The following IFNGR2 variants were observed in gnomAD, a reference collection of about 807,000 sequenced individuals.
IFNGR2 encodes the protein interferon gamma receptor 2, also known as IFN-gamma receptor 2.
IFNGR2 carries 15 observed loss-of-function variants against 41.1 expected under a neutral mutation model. That is an observed-to-expected ratio of 0.37 (90% CI 0.24 to 0.56). The LOEUF is 0.56. IFNGR2 is among the 20% of genes least tolerant of loss of function. IFNGR2 has a pLI of 0.81. For missense variants in IFNGR2, 362 were observed against 415.7 expected, an observed-to-expected ratio of 0.87 and a Z score of 1.12; for synonymous variants, 161 against 171.6, an observed-to-expected ratio of 0.94 and a Z score of 0.48.
chr21:33,407,714 G>C (rs570747593), intron 1 of IFNGR2, among the ~76,000 whole-genome samples: 1 of 152,296 alleles, frequency 6.6e-6, no homozygotes, highest in South Asian at 2.1e-4. Flanking sequence ...TCCTGTCTCA[G>C]CCTCCCAAGT....
intron 4 of IFNGR2, among the ~76,000 whole-genome samples, chr21:33,429,932 G>A (rs2083871647): frequency 6.6e-6 from 1 of 152,164 alleles, no homozygotes; most frequent in African/African-American, 2.4e-5. Context: ...TGAGGTCAGG[G>A]GTTCGAGACA....
At chr21:33,420,100 T>C (rs963280915) in intron 2 of IFNGR2, among the ~76,000 whole-genome samples, 1 of 152,188 alleles carries the variant, frequency 6.6e-6, no homozygotes, top group African/African-American at 2.4e-5. Flanking sequence ...GGTGTCTTCA[T>C]GGAAGCCCTG....
intron 1 of IFNGR2, chr21:33,411,693 C>T: frequency 7.0e-6 from 2 of 286,870 alleles, no homozygotes; most frequent in South Asian, 6.0e-5. Context: ...ACCAGGGAGA[C>T]AAGAAGGATG....
At chr21:33,417,564 A>C (rs1053780582) in intron 2 of IFNGR2, among the ~76,000 whole-genome samples, 2 of 152,230 alleles carry the variant, frequency 1.3e-5, no homozygotes, top group African/African-American at 4.8e-5. Context: ...CAGGCTACAC[A>C]ATTTGCAAGA....
intron 1 of IFNGR2, among the ~76,000 whole-genome samples, chr21:33,409,618 C>T (rs2083702492): frequency 6.6e-6 from 1 of 152,198 alleles, no homozygotes; most frequent in Non-Finnish European, 1.5e-5. Flanking sequence ...AGTCTGAACT[C>T]TACCCTCCAT....
intron 1 of IFNGR2, among the ~76,000 whole-genome samples, chr21:33,406,029 C>CA (rs796469538): frequency 4.7e-4 from 71 of 150,696 alleles, no homozygotes; most frequent in African/African-American, 1.6e-3. Context: ...GACTCTATCT[C>CA]AAAAAAACAA....
chr21:33,435,982 A>G (rs2409493), intron 6 of IFNGR2, among the ~76,000 whole-genome samples: 88,059 of 151,092 alleles, frequency 0.58, 27,635 homozygotes, highest in East Asian at 0.83. Context: ...AATTGCTTGA[A>G]CCCAGGAGGC....
chr21:33,421,357 G>A (rs121913197), intron 2 of IFNGR2, 123 bp from the exon 3 acceptor site: 2 of 716,040 alleles, frequency 2.8e-6, no homozygotes, highest in Non-Finnish European at 2.4e-6. Context: ...AAAAGCGGGG[G>A]GGAACTGTAT....
In IFNGR2 at chr21:33,432,699, G is replaced by C. The variant is rs765881972; in HGVS notation, c.722-15G>C. 1.1e-5 allele frequency: 18 copies of C among 1,613,574 alleles called. No homozygotes were observed. Among genetic ancestry groups the C allele is most frequent in the Non-Finnish European group, 6.8e-6 (8 of 1,179,712 alleles). ...TAGGAAGATCATTCTGTTCACTTTC[G>C]TGTCCTCTTTTTAGCCTCCACTGAG... On this transcript the variant is annotated splice_polypyrimidine_tract_variant and intron_variant, in intron 5 of 6. Transcript: ENST00000290219.
Position 33,437,125 on chromosome 21 carries a change from G to A in IFNGR2, c.*163G>A, listed in dbSNP as rs1264537174. 5 of 575,454 alleles carry A rather than the reference G, an allele frequency of 8.7e-6. No homozygotes were observed. The highest frequency in any genetic ancestry group is 3.8e-5 in the African/African-American group (2 of 51,982). 35.6% of individuals were successfully genotyped at this position (575,454 alleles called of 1,614,324 possible). A position where few individuals can be genotyped will look rare whatever the true frequency, so the allele number is the denominator to read the frequency against. ...ACAGCAGGTCTCATGGGGGTGACAA[G>A]CTTTTTTTTTTTTTCTTAAAGAATT... On this transcript the variant is annotated 3_prime_UTR_variant, in exon 7 of 7. Coordinates refer to ENST00000290219, the MANE Select transcript of IFNGR2 (RefSeq NM_005534.4).
intron 1 of IFNGR2, among the ~76,000 whole-genome samples, chr21:33,412,374 G>A (rs1229263386): frequency 6.6e-6 from 1 of 152,128 alleles, no homozygotes; most frequent in Non-Finnish European, 1.5e-5. Flanking sequence ...GCTTACATAG[G>A]TTTGGGTTAT....
intron 2 of IFNGR2, among the ~76,000 whole-genome samples, chr21:33,416,543 C>T (rs944678342): frequency 2.0e-5 from 3 of 152,094 alleles, no homozygotes; most frequent in African/African-American, 7.2e-5. Context: ...GAAAAGTAGG[C>T]CAGGCATGGT....
chr21:33,417,080 C>T (rs957345871), intron 2 of IFNGR2, among the ~76,000 whole-genome samples: 4 of 151,298 alleles, frequency 2.6e-5, no homozygotes, highest in African/African-American at 9.7e-5. Flanking sequence ...CCACCCCACC[C>T]GGTTCAGATA....
chr21:33,432,615 G>A, intron 5 of IFNGR2, 99 bp from the exon 6 acceptor site: 2 of 1,351,368 alleles, frequency 1.5e-6, no homozygotes, highest in South Asian at 1.2e-5. Flanking sequence ...CATTTTACTA[G>A]GACAGGAATG....
intron 2 of IFNGR2, among the ~76,000 whole-genome samples, chr21:33,418,125 C>T (rs950772922): frequency 6.6e-6 from 1 of 152,062 alleles, no homozygotes. Context: ...TTGCAACCTG[C>T]GGCTCACTGC....
chr21:33,415,056 C>T, intron 2 of IFNGR2, 36 bp downstream of exon 2: 1 of 1,613,010 alleles, frequency 6.2e-7, no homozygotes, highest in Non-Finnish European at 8.5e-7. Flanking sequence ...TTGCTGGGAG[C>T]TGTGGGGGCA....
chr21:33,415,119 T>A, intron 2 of IFNGR2, 99 bp downstream of exon 2: 1 of 1,398,158 alleles, frequency 7.2e-7, no homozygotes, highest in South Asian at 1.2e-5. Context: ...GCAGGGTTTG[T>A]TATCAAACCC....
chr21:33,409,564 T>C (rs1441037992), intron 1 of IFNGR2, among the ~76,000 whole-genome samples: 1 of 152,134 alleles, frequency 6.6e-6, no homozygotes, highest in Non-Finnish European at 1.5e-5. Flanking sequence ...CGAGTGGTGG[T>C]GATTGGTCTG....
At chr21:33,423,195 A>G (rs1174813209) in intron 3 of IFNGR2, among the ~76,000 whole-genome samples, 2 of 150,966 alleles carry the variant, frequency 1.3e-5, no homozygotes, top group East Asian at 2.0e-4. Flanking sequence ...GCCCGCCACC[A>G]CACCCGGCTA....
Sources: allele counts gnomAD v4.1 joint callset (sites outside exome capture counted in the v4.1 genomes callset), GRCh38; gene constraint gnomAD v4.1.1; transcripts MANE v1.5; gene names NCBI Gene and HGNC (gene_info 2026-07-23, HGNC 2026-07-21).